TTC23L: variants seen among roughly 807,000 people sequenced by gnomAD.
The protein encoded by TTC23L is tetratricopeptide repeat protein 23-like.
A neutral mutation model predicts 48.1 loss-of-function variants in TTC23L; 42 were observed. The observed-to-expected ratio is 0.87, with a 90% CI of 0.68 to 1.13. The LOEUF (loss-of-function observed/expected upper bound fraction) is 1.13. TTC23L is among the 50% of genes most tolerant of loss of function. The pLI, the probability that TTC23L is intolerant of heterozygous loss-of-function variation, is 0.00. For missense variants in TTC23L, 391 were observed against 421.0 expected, an observed-to-expected ratio of 0.93 and a Z score of 0.62; for synonymous variants, 159 against 157.2, an observed-to-expected ratio of 1.01 and a Z score of -0.09.
At chr5:34,853,609 G>A (rs1277529135) in intron 4 of TTC23L, among the ~76,000 whole-genome samples, 1 of 152,246 alleles carries the variant, frequency 6.6e-6, no homozygotes, top group African/African-American at 2.4e-5. Flanking sequence ...AGGGTAAAGG[G>A]GGGCCAGCAA....
At chr5:34,860,639 A>G (rs1303561916) in intron 4 of TTC23L, 3 of 146,544 alleles carry the variant, frequency 2.0e-5, no homozygotes, top group Non-Finnish European at 4.4e-5. Context: ...AGCCCTCTCC[A>G]GAGTCCATTT....
At chr5:34,880,304 A>G (rs750246783) in exon 9 of TTC23L, 3 of 1,608,956 alleles carry the variant, frequency 1.9e-6, no homozygotes, top group Non-Finnish European at 2.5e-6. Flanking sequence ...AATGGAGAAA[A>G]ACAGGTAAAT....
At chr5:34,858,388 T>C (rs578232761) in intron 4 of TTC23L, among the ~76,000 whole-genome samples, 1 of 152,338 alleles carries the variant, frequency 6.6e-6, no homozygotes, top group South Asian at 2.1e-4. Flanking sequence ...ATAGTACTTT[T>C]GTCATTATGA....
the TTC23L span, chr5:34,925,161 C>A: frequency 5.5e-6 from 8 of 1,465,678 alleles, no homozygotes; most frequent in Non-Finnish European, 7.2e-6. Context: ...AACTGAAAGT[C>A]TTTGCCTTAT....
chr5:34,901,481 G>A (rs949559338), downstream of TTC23L, among the ~76,000 whole-genome samples: 8 of 152,160 alleles, frequency 5.3e-5, no homozygotes, highest in Non-Finnish European at 1.0e-4. Flanking sequence ...AACTGGGGAC[G>A]GCCGGGCATG....
At chr5:34,902,786 C>T (rs556750431), downstream of TTC23L, among the ~76,000 whole-genome samples, 31 of 152,184 alleles carry the variant, frequency 2.0e-4, no homozygotes, top group African/African-American at 6.7e-4. Flanking sequence ...TTCCATTGCC[C>T]TTCTCTGTGG....
downstream of TTC23L, among the ~76,000 whole-genome samples, chr5:34,900,571 T>C (rs1319621156): frequency 9.9e-5 from 15 of 152,182 alleles, 1 homozygote; most frequent in Admixed American, 9.8e-4. Flanking sequence ...TAAGTTTACA[T>C]TGTCTGTTTA....
chr5:34,913,616 G>T, the TTC23L span: 1 of 1,258,138 alleles, frequency 7.9e-7, no homozygotes, highest in Non-Finnish European at 1.1e-6. Flanking sequence ...TTACATAAAA[G>T]AATAAAAACT....
chr5:34,923,187 T>A, the TTC23L span: 1 of 1,614,200 alleles, frequency 6.2e-7, no homozygotes, highest in Non-Finnish European at 8.5e-7. Context: ...GGACCACGTG[T>A]TTACTTTCAC....
the TTC23L span, among the ~76,000 whole-genome samples, chr5:34,917,102 T>G: frequency 3.9e-5 from 6 of 152,134 alleles, no homozygotes; most frequent in South Asian, 1.2e-3. Context: ...AAGTGTAGAA[T>G]TTTGACATTC....
At chr5:34,872,649 T>C (rs1050740591) in intron 8 of TTC23L, among the ~76,000 whole-genome samples, 3 of 152,112 alleles carry the variant, frequency 2.0e-5, no homozygotes, top group Non-Finnish European at 4.4e-5. Flanking sequence ...AAAGGAAACA[T>C]GAATAAAGAT....
chr5:34,894,291 T>A (rs985539960), intron 9 of TTC23L, among the ~76,000 whole-genome samples: 2 of 152,064 alleles, frequency 1.3e-5, no homozygotes, highest in African/African-American at 4.8e-5. Flanking sequence ...GGGAAAAAAA[T>A]GTCTACCAGT....
chr5:34,861,999 G>A (rs1375750914), intron 4 of TTC23L, among the ~76,000 whole-genome samples: 1 of 152,186 alleles, frequency 6.6e-6, no homozygotes, highest in Non-Finnish European at 1.5e-5. Context: ...CACCCTTCAT[G>A]CAATGCATAT....
chr5:34,923,040 C>T, the TTC23L span: 5 of 1,552,472 alleles, frequency 3.2e-6, no homozygotes, highest in African/African-American at 1.4e-5. Flanking sequence ...GTTAAAAGAA[C>T]TCTTAATTCA....
chr5:34,847,480 G>GT (rs3996923), intron 3 of TTC23L, among the ~76,000 whole-genome samples: 364 of 146,376 alleles, frequency 2.5e-3, no homozygotes, highest in South Asian at 0.016. Flanking sequence ...CAATAACGCT[G>GT]TTTTTTTTTT....
At chr5:34,913,625 C>A in the TTC23L span, 1 of 1,160,774 alleles carries the variant, frequency 8.6e-7, no homozygotes, top group Non-Finnish European at 1.2e-6. Context: ...AGAATAAAAA[C>A]TAATAATATA....
intron 9 of TTC23L, among the ~76,000 whole-genome samples, chr5:34,893,936 GCAGGATT>G: frequency 6.6e-6 from 1 of 152,178 alleles, no homozygotes. Flanking sequence ...CCAATCTCAG[GCAGGATT>G]CAAAACATAA....
At chr5:34,923,217 T>C in the TTC23L span, 1 of 1,612,852 alleles carries the variant, frequency 6.2e-7, no homozygotes, top group Non-Finnish European at 8.5e-7. Flanking sequence ...TAATAGGATA[T>C]GGTTTCGGAA....
intron 2 of TTC23L, among the ~76,000 whole-genome samples, 196 bp downstream of exon 2, chr5:34,840,935 C>T (rs6451174): frequency 0.19 from 28,379 of 151,996 alleles, 5,715 homozygotes; most frequent in African/African-American, 0.51. Context: ...GTAATCCCAG[C>T]TACTCGGGAG....
Sources: allele counts gnomAD v4.1 joint callset (sites outside exome capture counted in the v4.1 genomes callset), GRCh38; gene constraint gnomAD v4.1.1; transcripts MANE v1.5; gene names NCBI Gene and HGNC (gene_info 2026-07-23, HGNC 2026-07-21).